The following PTGR2 variants were observed in gnomAD, a reference collection of about 807,000 sequenced individuals.
PTGR2 encodes prostaglandin reductase 2, also known as 15-oxoprostaglandin 13-reductase.
In PTGR2, 32 loss-of-function variants were observed where a neutral mutation model predicts 43.4. The observed-to-expected ratio is 0.74, with a 90% CI of 0.56 to 0.99. The LOEUF is 0.99. Ranked by LOEUF, PTGR2 falls within the 50% of genes least tolerant of loss-of-function variation. PTGR2 has a pLI of 0.00. For synonymous variants in PTGR2, 106 were observed against 139.2 expected (o/e 0.76, Z 1.68); for missense variants, 373 against 420.0 (o/e 0.89, Z 0.98).
intron 1 of PTGR2, among the ~76,000 whole-genome samples, chr14:73,852,382 C>T (rs147977111): frequency 0.014 from 2,064 of 152,170 alleles, 45 homozygotes; most frequent in African/African-American, 0.047. Context: ...CTGCCTCAGC[C>T]TCCCGAGTAG....
chr14:73,859,230 TA>T (rs2054431770), intron 2 of PTGR2, among the ~76,000 whole-genome samples: 1 of 152,140 alleles, frequency 6.6e-6, no homozygotes. Flanking sequence ...TATTGGTCCT[TA>T]AAATTTGCTT....
rs2054891047 is a variant in PTGR2 at position 73,877,417 on chromosome 14, AC to A, written c.519+251del. The A allele has an allele frequency of 2.3e-5, 6 of 265,862 alleles. No individual in the cohort carries two copies. The Admixed American group carries it at 3.0e-4, about 13-fold the overall frequency. 16.5% of individuals were successfully genotyped at this position (265,862 alleles called of 1,614,324 possible). On this transcript the variant is annotated intron_variant, in intron 5 of 9. Coordinates refer to ENST00000555661, the MANE Select transcript of PTGR2 (RefSeq NM_001146154.2). ...GTAGCTGGGACTACAGGTGTGTGCC[AC>A]CACACCTGGCTAATTTTTGTATTTT... is the stretch of plus-strand genomic sequence containing the variant.
At chr14:73,867,817 T>C (rs1010624066) in intron 3 of PTGR2, among the ~76,000 whole-genome samples, 6 of 152,158 alleles carry the variant, frequency 3.9e-5, no homozygotes, top group Admixed American at 3.3e-4. Flanking sequence ...CCTAATGGGG[T>C]AGGTACCCTT....
At chr14:73,880,431 CG>C (rs2054957354) in intron 7 of PTGR2, among the ~76,000 whole-genome samples, 1 of 151,518 alleles carries the variant, frequency 6.6e-6, no homozygotes, top group African/African-American at 2.4e-5. Flanking sequence ...AAAAATTAGC[CG>C]GGTGTAGTGA....
intron 1 of PTGR2, among the ~76,000 whole-genome samples, chr14:73,853,681 G>T (rs1401296999): frequency 1.3e-5 from 2 of 152,084 alleles, no homozygotes; most frequent in Admixed American, 1.3e-4. Flanking sequence ...TTTTTTTGGG[G>T]TGAGGGTGGG....
rs200670094 is a variant in PTGR2, at chr14:73,857,238, G to GT, written c.-47-1564dup. Among the ~76,000 whole-genome samples the GT allele has an allele frequency of 5.5e-3, 796 of 144,442 alleles. 4 individuals are homozygous for GT. Among genetic ancestry groups the GT allele is most frequent in the Admixed American group, 6.3e-3 (91 of 14,444 alleles). The allele number at this position is 144,442 out of a possible 152,430, so 94.8% of individuals were successfully genotyped here. ...TCAGCTAAACTATAAAGGAATTTCC[G>GT]TTTTTTTTTTTTTTAATTCACCACT... On this transcript the variant is annotated intron_variant, in intron 1 of 9. Coordinates refer to ENST00000555661, the MANE Select transcript of PTGR2 (RefSeq NM_001146154.2).
Position 73,874,049 on chromosome 14 carries a change from C to G in PTGR2, c.183C>G (p.Gly61=), listed in dbSNP as rs761197198. The change falls in exon 4 of 10, where the codon GGC becomes GGG. Residue 61 remains glycine, a synonymous_variant. Transcript: ENST00000555661. ...GTTGTAGAATGAATGAAGACACTGG[C>G]ACTGATTATATAACACCTTGGCAGC... The part of the protein sequence containing the change: ...YMRCRMNEDT[G]TDYITPWQLS... The G allele has an allele frequency of 1.2e-6, 2 of 1,609,614 alleles. No individual in the cohort carries two copies. The highest frequency in any genetic ancestry group is 2.2e-5 in the South Asian group (2 of 89,946).
At chr14:73,859,310 G>A (rs2140237100) in intron 2 of PTGR2, among the ~76,000 whole-genome samples, 1 of 152,178 alleles carries the variant, frequency 6.6e-6, no homozygotes, top group Non-Finnish European at 1.5e-5. Context: ...AAACAGATAT[G>A]GAAAGAACCT....
chr14:73,884,378 A>G lies in PTGR2; in HGVS notation c.*201A>G, dbSNP rs769564537. 5.0e-6 allele frequency: 2 copies of G among 400,166 alleles called. No individual in the cohort carries two copies. The highest frequency in any genetic ancestry group is 8.7e-6 in the Non-Finnish European group (2 of 229,784). The allele number at this position is 400,166 out of a possible 1,614,324, so 24.8% of individuals were successfully genotyped here. A position where few individuals can be genotyped will look rare whatever the true frequency, so the allele number is the denominator to read the frequency against. ...TTTTTAAAAATTAATAACTTTTAGT[A>G]ATTACTTTTATTAATTTAAAATAGA... On this transcript the variant is annotated 3_prime_UTR_variant, in exon 10 of 10. Transcript: ENST00000555661.
At chr14:73,867,088 C>CAAAAAAAAAAAAAAAA (rs200945001) in intron 3 of PTGR2, among the ~76,000 whole-genome samples, 6 of 100,088 alleles carry the variant, frequency 6.0e-5, no homozygotes, top group Admixed American at 1.2e-4. Flanking sequence ...GACTCTGTCT[C>CAAAAAAAAAAAAAAAA]AAAAAAAAAA....
Position 73,877,064 on chromosome 14 carries a change from A to C in PTGR2, c.415A>C (p.Thr139Pro). The change falls in exon 5 of 10, where the codon ACT becomes CCT. Residue 139 changes from threonine to proline, a missense_variant. Transcript: ENST00000555661. ...TGGAGCTATAGGTATGCCTGGTTTG[A>C]CTTCCTTGATTGGGATACAGGAAAA... Reference protein sequence around the residue: ...FLGAIGMPGLTSLIGIQEKGH... With the variant: ...FLGAIGMPGLPSLIGIQEKGH... 1 of 1,613,850 alleles carries C rather than the reference A, an allele frequency of 6.2e-7. No individual in the cohort carries two copies.
chr14:73,852,041 G>A (rs1012431102), intron 1 of PTGR2, 98 bp downstream of exon 1: 6 of 152,190 alleles, frequency 3.9e-5, no homozygotes, highest in African/African-American at 1.4e-4. Context: ...TGACTTCTAG[G>A]CGTCCTCCCG....
rs540358219 is a variant in PTGR2 at position 73,876,934 on chromosome 14, C to A, written c.349-64C>A. ...CGCAATTCAGTCCATAACACGTTGTCTCTACTTTGTTGTCTCAAAACAGGA... is the reference window on the plus strand; with the variant it reads ...CGCAATTCAGTCCATAACACGTTGTATCTACTTTGTTGTCTCAAAACAGGA... On this transcript the variant is annotated intron_variant, in intron 4 of 9. Transcript: ENST00000555661. 5.6e-6 allele frequency: 7 copies of A among 1,255,386 alleles called. No individual in the cohort carries two copies. In the South Asian group the frequency reaches 9.5e-5, roughly 17 times the overall value. 77.8% of individuals were successfully genotyped at this position (1,255,386 alleles called of 1,614,324 possible). A position where few individuals can be genotyped will look rare whatever the true frequency, so the allele number is the denominator to read the frequency against.
intron 1 of PTGR2, among the ~76,000 whole-genome samples, chr14:73,855,051 A>C (rs529693738): frequency 5.9e-5 from 9 of 152,242 alleles, no homozygotes; most frequent in Non-Finnish European, 1.0e-4. Flanking sequence ...ATGAAGAAAC[A>C]AATCAAGGGC....
intron 4 of PTGR2, among the ~76,000 whole-genome samples, chr14:73,875,561 G>T (rs1343963606): frequency 1.3e-5 from 2 of 150,644 alleles, no homozygotes; most frequent in East Asian, 4.0e-4. Flanking sequence ...GGCCAGGGTG[G>T]TGTTGAATGC....
At chr14:73,852,917 C>T (rs1481896442) in intron 1 of PTGR2, among the ~76,000 whole-genome samples, 1 of 152,122 alleles carries the variant, frequency 6.6e-6, no homozygotes, top group Non-Finnish European at 1.5e-5. Flanking sequence ...CCTCAGTCTC[C>T]TGGGTTCAGG....
intron 3 of PTGR2, among the ~76,000 whole-genome samples, chr14:73,865,230 G>A (rs982703019): frequency 1.3e-5 from 2 of 152,184 alleles, no homozygotes; most frequent in African/African-American, 4.8e-5. Context: ...GAAGCCATTG[G>A]TATACTTGTC....
At position 73,874,029 on chromosome 14, in the gene PTGR2, AGAAT is replaced by A. The variant is rs756083346; in HGVS notation, c.171_174del (p.Asn57LysfsTer8). ...TAATGTTTTCTTTTTTCAGCGTTGT[AGAAT>A]GAATGAAGACACTGGCACTGATTAT... is the stretch of plus-strand genomic sequence containing the variant. On this transcript the variant is annotated frameshift_variant, in exon 4 of 10. Transcript: ENST00000555661. The A allele has an allele frequency of 4.7e-5, 74 of 1,585,974 alleles. No homozygotes were observed. Among genetic ancestry groups the A allele is most frequent in the Non-Finnish European group, 6.2e-5 (72 of 1,169,332 alleles).
chr14:73,861,437 C>T (rs867469295), intron 3 of PTGR2: 4 of 151,992 alleles, frequency 2.6e-5, no homozygotes. Flanking sequence ...GTCAATTTAC[C>T]CCCTGCTATT....
Sources: gnomAD v4.1 joint callset for allele counts (sites outside exome capture counted in the v4.1 genomes callset) on GRCh38, gnomAD v4.1.1 for gene constraint, MANE v1.5 for transcripts, NCBI Gene and HGNC (gene_info 2026-07-23, HGNC 2026-07-21) for gene names.